The following SECISBP2 variants were observed in gnomAD, a reference collection of about 807,000 sequenced individuals.
SECISBP2 encodes SECIS binding protein 2.
In SECISBP2, 96 loss-of-function variants were observed where a neutral mutation model predicts 98.2. That is an observed-to-expected ratio of 0.98 (90% CI 0.83 to 1.16). The LOEUF is 1.16. Among genes scored for constraint, SECISBP2 ranks in the 50% most tolerant of loss-of-function variants. The pLI is 0.00. For missense variants in SECISBP2, 1,046 were observed against 1,022.9 expected, an observed-to-expected ratio of 1.02 and a Z score of -0.31; for synonymous variants, 407 against 370.2, an observed-to-expected ratio of 1.10 and a Z score of -1.14.
intron 7 of SECISBP2, among the ~76,000 whole-genome samples, chr9:89,336,187 C>T (rs1197528097): frequency 6.8e-6 from 1 of 146,998 alleles, no homozygotes; most frequent in Non-Finnish European, 1.5e-5. Flanking sequence ...AGGCATGCAC[C>T]ACCACATCCA....
intron 5 of SECISBP2, among the ~76,000 whole-genome samples, chr9:89,330,713 A>G (rs867037857): frequency 6.6e-6 from 1 of 152,188 alleles, no homozygotes; most frequent in African/African-American, 2.4e-5. Context: ...TCATAGTTCC[A>G]TCTGGCCTGC....
chr9:89,323,592 G>A (rs1016146748), intron 2 of SECISBP2: 1 of 152,482 alleles, frequency 6.6e-6, no homozygotes, highest in Non-Finnish European at 1.5e-5. Flanking sequence ...GAGACCAGCA[G>A]GTATTGCACA....
At chr9:89,324,988 G>C (rs1193515395) in intron 2 of SECISBP2, 1 of 258,860 alleles carries the variant, frequency 3.9e-6, no homozygotes, top group Non-Finnish European at 7.5e-6. Flanking sequence ...GCAAAGCGCA[G>C]GATGTCATGG....
intron 13 of SECISBP2, 143 bp downstream of exon 13, chr9:89,350,072 G>T: frequency 1.1e-6 from 1 of 940,036 alleles, no homozygotes. Context: ...TGGGTACCTG[G>T]TTACACGCAT....
the SECISBP2 span, among the ~76,000 whole-genome samples, chr9:89,366,130 A>G: frequency 6.6e-6 from 1 of 152,250 alleles, no homozygotes; most frequent in Non-Finnish European, 1.5e-5. Context: ...TCGAAGTGCC[A>G]TCGAAGAATA....
At chr9:89,326,103 T>C in intron 4 of SECISBP2, 65 bp downstream of exon 4, 4 of 1,568,982 alleles carry the variant, frequency 2.5e-6, no homozygotes, top group Non-Finnish European at 3.5e-6. Flanking sequence ...ACATTCCTGC[T>C]ATGTATACAG....
At chr9:89,341,615 C>G in intron 10 of SECISBP2, 136 bp downstream of exon 10, 1 of 1,028,324 alleles carries the variant, frequency 9.7e-7, no homozygotes, top group East Asian at 2.4e-5. Context: ...TAGATAAGGA[C>G]CTGTGGAATA....
At chr9:89,347,175 C>T (rs930408701) in intron 11 of SECISBP2, 127 bp downstream of exon 11, 9 of 942,326 alleles carry the variant, frequency 9.6e-6, no homozygotes, top group East Asian at 2.6e-5. Flanking sequence ...TGTAGTAAAA[C>T]GTGTTAATGA....
chr9:89,340,511 C>T (rs915794939), intron 9 of SECISBP2, among the ~76,000 whole-genome samples: 1 of 151,848 alleles, frequency 6.6e-6, no homozygotes, highest in Non-Finnish European at 1.5e-5. Context: ...GTCGTTTTGC[C>T]TTTTAAAGGG....
At position 89,348,908 on chromosome 9, in the gene SECISBP2, G is replaced by A. The variant is rs143886965; in HGVS notation, c.1738+694G>A. On this transcript the variant is annotated intron_variant, in intron 12 of 16. Transcript: ENST00000375807. ...TTCGGTTGGACGAATGTACAGGGTT[G>A]CGGATGGGCATTCAGGCATTTTCCA... 6.0e-4 allele frequency among the ~76,000 whole-genome samples: 91 copies of A among 152,378 alleles called. 2 individuals carry two copies. In the East Asian group the frequency reaches 0.017, roughly 28 times the overall value.
At position 89,346,988 on chromosome 9, in the gene SECISBP2, G is replaced by C. The variant is rs1425931577; in HGVS notation, c.1542G>C (p.Leu514=). Residue 514 remains leucine (L), a synonymous_variant, in exon 11 of 17, where the codon CTG becomes CTC. Coordinates refer to ENST00000375807, the MANE Select transcript of SECISBP2 (RefSeq NM_024077.5). The part of the protein sequence containing the change: ...PHNPLDSSAP[L]MKKGKQREIP... ...ATCCCTTGGACTCCAGCGCCCCACT[G>C]ATGAAGAAAGGGAAGCAGAGGGAGA... 6.2e-7 allele frequency: 1 copy of C among 1,614,210 alleles called. No individual in the cohort carries two copies. Among genetic ancestry groups the C allele is most frequent in the Admixed American group, 1.7e-5 (1 of 60,032 alleles).
rs764123924 is a variant in SECISBP2 at position 89,325,079 on chromosome 9, G to A, written c.183-348G>A. ...GCATTGCAGGCTGTTGGGTCTCCCC[G>A]CAGCAGAGAGAATGGTCTTTAGGGG... On this transcript the variant is annotated intron_variant, in intron 2 of 16. Coordinates refer to ENST00000375807, the MANE Select transcript of SECISBP2 (RefSeq NM_024077.5). 9 of 330,950 alleles carry A rather than the reference G, an allele frequency of 2.7e-5. No individual in the cohort carries two copies. In the East Asian group the frequency reaches 3.5e-4, roughly 13 times the overall value. The allele number at this position is 330,950 out of a possible 1,614,324, so 20.5% of individuals were successfully genotyped here. A position where few individuals can be genotyped will look rare whatever the true frequency, so the allele number is the denominator to read the frequency against.
At chr9:89,344,390 G>A (rs536485830) in intron 10 of SECISBP2, among the ~76,000 whole-genome samples, 6 of 152,268 alleles carry the variant, frequency 3.9e-5, no homozygotes, top group African/African-American at 1.4e-4. Flanking sequence ...GTCAGTTCCT[G>A]TGTCCAAAAT....
intron 4 of SECISBP2, among the ~76,000 whole-genome samples, chr9:89,328,292 C>T (rs746072164): frequency 2.0e-5 from 3 of 152,164 alleles, no homozygotes; most frequent in African/African-American, 4.8e-5. Context: ...CGTGAGTAAT[C>T]GCACCATGAC....
intron 5 of SECISBP2, chr9:89,329,171 G>C: frequency 2.6e-6 from 1 of 384,496 alleles, no homozygotes; most frequent in Non-Finnish European, 4.8e-6. Flanking sequence ...GCAGTGCAGT[G>C]GCACGATCTC....
intron 7 of SECISBP2, among the ~76,000 whole-genome samples, chr9:89,337,071 G>GC (rs1324570830): frequency 6.6e-6 from 1 of 152,072 alleles, no homozygotes; most frequent in Non-Finnish European, 1.5e-5. Context: ...GCTGCACCTG[G>GC]CCCCCCACTG....
intron 10 of SECISBP2, among the ~76,000 whole-genome samples, chr9:89,344,162 G>T (rs965378657): frequency 1.3e-5 from 2 of 151,834 alleles, no homozygotes; most frequent in Non-Finnish European, 2.9e-5. Context: ...TTTTAATGGG[G>T]TTTTTTTTCT....
chr9:89,350,028 A>T, intron 13 of SECISBP2, 99 bp downstream of exon 13: 1 of 1,429,998 alleles, frequency 7.0e-7, no homozygotes, highest in Non-Finnish European at 9.7e-7. Context: ...GCTGGGCCAC[A>T]CTGTGCTTTA....
intron 12 of SECISBP2, among the ~76,000 whole-genome samples, chr9:89,348,690 AAC>A (rs1462642063): frequency 2.6e-5 from 4 of 152,218 alleles, no homozygotes; most frequent in African/African-American, 9.6e-5. Context: ...CAAGAAGCAA[AAC>A]ACAGCCCAGC....
Sources: allele counts gnomAD v4.1 joint callset (sites outside exome capture counted in the v4.1 genomes callset), GRCh38; gene constraint gnomAD v4.1.1; transcripts MANE v1.5; gene names NCBI Gene and HGNC (gene_info 2026-07-23, HGNC 2026-07-21).